PARP4: variants seen among roughly 807,000 people sequenced by gnomAD.
The protein encoded by PARP4 is protein mono-ADP-ribosyltransferase PARP4.
In PARP4, 120 loss-of-function variants were observed where a neutral mutation model predicts 187.7. The observed-to-expected ratio is 0.64, with a 90% CI of 0.55 to 0.74. The LOEUF (loss-of-function observed/expected upper bound fraction) is 0.74. PARP4 is among the 30% of genes least tolerant of loss of function. PARP4 has a pLI of 0.00. For missense variants in PARP4, 1,836 were observed against 2,070.5 expected (o/e 0.89, Z 2.20); for synonymous variants, 654 against 740.9 (o/e 0.88, Z 1.90).
chr13:24,465,142 A>C (rs1470833292), intron 17 of PARP4, among the ~76,000 whole-genome samples: 1 of 152,116 alleles, frequency 6.6e-6, no homozygotes, highest in Non-Finnish European at 1.5e-5. Flanking sequence ...GAAACAACAG[A>C]TTCTGGCAAG....
chr13:24,459,422 C>T, intron 18 of PARP4, 112 bp from the exon 19 acceptor site: 3 of 997,656 alleles, frequency 3.0e-6, no homozygotes, highest in Non-Finnish European at 4.3e-6. Flanking sequence ...CAGCTGGTTT[C>T]ACTTTCAAGC....
intron 30 of PARP4, among the ~76,000 whole-genome samples, chr13:24,435,926 AAAAAAAAAAAGAAAG>A (rs1870614406): frequency 6.9e-6 from 1 of 144,416 alleles, no homozygotes; most frequent in African/African-American, 2.7e-5. Flanking sequence ...CAAAAAAAAA[AAAAAAAAAAAGAAAG>A]AAAGAAAATA....
chr13:24,440,171 GC>G (rs1870845684), intron 30 of PARP4, among the ~76,000 whole-genome samples: 1 of 152,142 alleles, frequency 6.6e-6, no homozygotes, highest in Admixed American at 6.5e-5. Context: ...ACTTTGGGAG[GC>G]CGAGGCGGGT....
chr13:24,472,054 C>G (rs1872748577), intron 15 of PARP4, among the ~76,000 whole-genome samples: 1 of 152,160 alleles, frequency 6.6e-6, no homozygotes, highest in Non-Finnish European at 1.5e-5. Flanking sequence ...CTATGGTGTA[C>G]TGGTTAAGAA....
chr13:24,494,859 ATTCT>A (rs1868857226), intron 6 of PARP4, 137 bp from the exon 7 acceptor site: 1 of 572,280 alleles, frequency 1.7e-6, no homozygotes, highest in Non-Finnish European at 2.9e-6. Context: ...TAAATTTTAA[ATTCT>A]TTTTCTTTTC....
At chr13:24,460,366 C>G (rs771858147) in intron 17 of PARP4, among the ~76,000 whole-genome samples, 5 of 152,068 alleles carry the variant, frequency 3.3e-5, no homozygotes, top group Non-Finnish European at 5.9e-5. Context: ...AGAGGGGCCC[C>G]CTTGGCAGCG....
intron 1 of PARP4, among the ~76,000 whole-genome samples, chr13:24,506,039 CTG>C (rs1869636520): frequency 6.6e-6 from 1 of 152,324 alleles, no homozygotes; most frequent in East Asian, 1.9e-4. Flanking sequence ...CTACCTAGTG[CTG>C]TGTCTGGAAT....
intron 1 of PARP4, among the ~76,000 whole-genome samples, chr13:24,505,416 A>C (rs1377787338): frequency 2.0e-5 from 3 of 152,116 alleles, no homozygotes; most frequent in Non-Finnish European, 4.4e-5. Context: ...GCCCTTATTC[A>C]GGTGGATGTC....
chr13:24,506,646 G>A (rs1869703539), intron 1 of PARP4, among the ~76,000 whole-genome samples: 1 of 152,134 alleles, frequency 6.6e-6, no homozygotes, highest in South Asian at 2.1e-4. Flanking sequence ...TGATTGGTGT[G>A]TTTACAAACC....
intron 30 of PARP4, among the ~76,000 whole-genome samples, chr13:24,440,458 A>C (rs1010169887): frequency 2.0e-5 from 3 of 151,792 alleles, no homozygotes; most frequent in African/African-American, 7.3e-5. Context: ...TATCCCTCCA[A>C]ACCCAAGGCC....
At chr13:24,488,289 G>C (rs1444523062) in intron 10 of PARP4, among the ~76,000 whole-genome samples, 1 of 152,092 alleles carries the variant, frequency 6.6e-6, no homozygotes, top group Non-Finnish European at 1.5e-5. Context: ...GGACACCTAG[G>C]GGAGGGTCAA....
chr13:24,483,943 G>A (rs550414435), intron 12 of PARP4, among the ~76,000 whole-genome samples: 2 of 152,162 alleles, frequency 1.3e-5, no homozygotes, highest in Non-Finnish European at 2.9e-5. Context: ...CGTCTTCTTT[G>A]CTATTAGGTT....
chr13:24,477,177 G>A (rs1044894579), intron 14 of PARP4, among the ~76,000 whole-genome samples: 3 of 152,126 alleles, frequency 2.0e-5, no homozygotes, highest in African/African-American at 4.8e-5. Flanking sequence ...TGTTATGTAC[G>A]CAAGATAAAA....
chr13:24,443,129 T>A (rs1450362210), intron 28 of PARP4, among the ~76,000 whole-genome samples: 1 of 150,102 alleles, frequency 6.7e-6, no homozygotes. Flanking sequence ...CTTGTGGGGA[T>A]GGCATTGAGG....
chr13:24,469,119 G>T lies in PARP4; in HGVS notation c.2047-9C>A, dbSNP rs771705745. 8.8e-6 allele frequency: 14 copies of T among 1,584,860 alleles called. No individual in the cohort carries two copies. In the Admixed American group the frequency reaches 1.0e-4, roughly 11 times the overall value. On this transcript the variant is annotated splice_polypyrimidine_tract_variant and intron_variant, in intron 16 of 33. Transcript: ENST00000381989. The stretch of plus-strand genomic sequence containing the variant: ...TCTTCCTTCTCTTTAATCTGGAAAA[G>T]ATGAGTTTTAAATCATTCCTTACAT...
Position 24,446,483 on chromosome 13 carries a change from C to T in PARP4, c.3366+198G>A, listed in dbSNP as rs187315980. Among the ~76,000 whole-genome samples the T allele has an allele frequency of 9.3e-4, 141 of 151,318 alleles. No individual in the cohort carries two copies. The Middle Eastern group carries it at 0.011, about 11-fold the overall frequency. On this transcript the variant is annotated intron_variant, in intron 27 of 33. Transcript: ENST00000381989. ...GACACATAAAATACACTAACACTAA[C>T]GATAGCCGATGAGCTGAAAACAAAA...
At chr13:24,459,918 C>A in intron 18 of PARP4, 54 bp downstream of exon 18, 3 of 1,510,558 alleles carry the variant, frequency 2.0e-6, no homozygotes, top group Non-Finnish European at 2.7e-6. Context: ...CAGCCCTCCA[C>A]CACTCCCCCT....
rs556531722 is a variant in PARP4, at chr13:24,443,684, T to A, written c.3413A>T (p.Asp1138Val). ...GGTTTCATTTTCGTGAAGAATGCCA[T>A]CTTCATAATCTCTGATTAGAGCTCG... Reference protein sequence around the residue: ...AARALIRDYEDGILHENETSH... With the variant: ...AARALIRDYEVGILHENETSH... The change falls in exon 28 of 34, where the codon GAT (aspartate) becomes GTT (valine). Residue 1138 changes from aspartate to valine, a missense_variant. Around this residue, in one of 8 missense-constraint regions of PARP4, gnomAD observed 56 missense variants for 56.6 expected, o/e 0.99. Transcript: ENST00000381989. The A allele has an allele frequency of 6.2e-7, 1 of 1,613,774 alleles. No individual in the cohort carries two copies. Among genetic ancestry groups the A allele is most frequent in the African/African-American group, 1.3e-5 (1 of 75,054 alleles).
intron 14 of PARP4, among the ~76,000 whole-genome samples, 176 bp from the exon 15 acceptor site, chr13:24,475,772 A>G (rs1310746362): frequency 4.1e-5 from 6 of 148,082 alleles, no homozygotes; most frequent in Non-Finnish European, 7.4e-5. Context: ...ACATGAGAAA[A>G]ATGAGAGGTG....
Sources: allele counts gnomAD v4.1 joint callset (sites outside exome capture counted in the v4.1 genomes callset), GRCh38; gene constraint gnomAD v4.1.1; regional missense constraint gnomAD v4.1.1; transcripts MANE v1.5; gene names NCBI Gene and HGNC (gene_info 2026-07-23, HGNC 2026-07-21).